The following FRMD3 variants were observed in gnomAD, a reference collection of about 807,000 sequenced individuals.
FRMD3 encodes FERM domain containing 3.
In FRMD3, 33 loss-of-function variants were observed where a neutral mutation model predicts 70.2. That is an observed-to-expected ratio of 0.47 (90% confidence interval 0.36 to 0.63). FRMD3 has a LOEUF of 0.63. FRMD3 is among the 20% of genes least tolerant of loss of function. The pLI, the probability that FRMD3 is intolerant of heterozygous loss-of-function variation, is 0.00. For missense variants in FRMD3, 632 were observed against 711.4 expected, an observed-to-expected ratio of 0.89 and a Z score of 1.27; for synonymous variants, 279 against 255.9, an observed-to-expected ratio of 1.09 and a Z score of -0.86.
intron 13 of FRMD3, among the ~76,000 whole-genome samples, chr9:83,257,004 A>G (rs1379629179): frequency 6.6e-6 from 1 of 152,220 alleles, no homozygotes. Context: ...TGTTTGACCC[A>G]GCAATCTCAT....
At chr9:83,540,981 A>C (rs1047184623), upstream of FRMD3, among the ~76,000 whole-genome samples, 1 of 152,154 alleles carries the variant, frequency 6.6e-6, no homozygotes, top group African/African-American at 2.4e-5. Flanking sequence ...TATAAAAGAA[A>C]ACTTGAATGA....
chr9:83,343,340 G>A (rs1823838885), intron 4 of FRMD3, 53 bp from the exon 5 acceptor site: 2 of 1,265,752 alleles, frequency 1.6e-6, no homozygotes, highest in Non-Finnish European at 2.3e-6. Flanking sequence ...AAGTCTGGAA[G>A]AAGTAGGATT....
At chr9:83,484,959 T>C (rs1042034903) in intron 1 of FRMD3, among the ~76,000 whole-genome samples, 8 of 152,228 alleles carry the variant, frequency 5.3e-5, no homozygotes, top group African/African-American at 1.7e-4. Context: ...TCTGTGGATA[T>C]TAAATAAAAA....
At chr9:83,427,382 G>A (rs2131370277) in intron 1 of FRMD3, among the ~76,000 whole-genome samples, 1 of 152,306 alleles carries the variant, frequency 6.6e-6, no homozygotes, top group South Asian at 2.1e-4. Context: ...CTTTATAGAG[G>A]TTGTTCAGGT....
intron 12 of FRMD3, among the ~76,000 whole-genome samples, chr9:83,293,391 C>T (rs907928866): frequency 6.6e-6 from 1 of 152,136 alleles, no homozygotes; most frequent in African/African-American, 2.4e-5. Flanking sequence ...CATTCTTGCA[C>T]GTGCAGTTCT....
At chr9:83,284,064 T>A (rs1210946440) in intron 13 of FRMD3, among the ~76,000 whole-genome samples, 2 of 11,780 alleles carry the variant, frequency 1.7e-4, no homozygotes, top group Admixed American at 2.1e-3. Flanking sequence ...GGATGTTATT[T>A]TTTTTTTTTT....
At chr9:83,569,773 C>T in the FRMD3 span, among the ~76,000 whole-genome samples, 33 of 152,266 alleles carry the variant, frequency 2.2e-4, no homozygotes, top group Admixed American at 1.3e-3. Context: ...ATTTTGATTT[C>T]GCCACTTAAT....
intron 1 of FRMD3, among the ~76,000 whole-genome samples, chr9:83,420,977 G>A (rs1293406289): frequency 5.3e-4 from 54 of 101,092 alleles, no homozygotes; most frequent in Non-Finnish European, 1.1e-4. Context: ...GTCTCGCTCT[G>A]TCGCCCAGGC....
chr9:83,442,586 G>A (rs892089397), intron 1 of FRMD3, among the ~76,000 whole-genome samples: 4 of 152,110 alleles, frequency 2.6e-5, no homozygotes, highest in African/African-American at 9.6e-5. Context: ...AGGGAGGAAA[G>A]CCAACGTATA....
At chr9:83,334,645 A>C (rs1823516429) in intron 6 of FRMD3, among the ~76,000 whole-genome samples, 1 of 152,104 alleles carries the variant, frequency 6.6e-6, no homozygotes, top group Admixed American at 6.6e-5. Flanking sequence ...TGTAGTTTGC[A>C]CAGTATCTAA....
intron 1 of FRMD3, among the ~76,000 whole-genome samples, chr9:83,435,963 C>A (rs576273064): frequency 6.6e-6 from 1 of 152,198 alleles, no homozygotes; most frequent in South Asian, 2.1e-4. Context: ...TGGCTTGAGA[C>A]AAAAGTTAAA....
intron 6 of FRMD3, among the ~76,000 whole-genome samples, chr9:83,323,092 T>C (rs984505917): frequency 6.6e-6 from 1 of 152,236 alleles, no homozygotes. Context: ...GGTGGAAATT[T>C]GGTGGAACTA....
At chr9:83,558,308 G>A in the FRMD3 span, among the ~76,000 whole-genome samples, 13 of 152,290 alleles carry the variant, frequency 8.5e-5, no homozygotes, top group South Asian at 2.1e-4. Flanking sequence ...GCATGTGTGC[G>A]CCTGTGTGTG....
chr9:83,570,016 C>T, the FRMD3 span, among the ~76,000 whole-genome samples: 1 of 152,284 alleles, frequency 6.6e-6, no homozygotes, highest in Non-Finnish European at 1.5e-5. Context: ...GAGCTCCTGG[C>T]TTTTTCAAGT....
chr9:83,495,378 G>T (rs563745719), intron 1 of FRMD3, among the ~76,000 whole-genome samples: 3 of 152,312 alleles, frequency 2.0e-5, no homozygotes, highest in Admixed American at 6.5e-5. Context: ...CCCTTGGTAA[G>T]GGGACAGAGC....
In FRMD3 at chr9:83,335,539, C is replaced by T; in HGVS notation, c.573G>A (p.Val191=). 1 of 1,612,506 alleles carries T rather than the reference C, an allele frequency of 6.2e-7. No homozygotes were observed. Among genetic ancestry groups the T allele is most frequent in the Non-Finnish European group, 8.5e-7 (1 of 1,179,050 alleles). The stretch of plus-strand genomic sequence containing the variant: ...ACCTGAGTTCATTTTTATGAATTTC[C>T]ACTATTTTTCTTTCCAGCTTCTGTG... The part of the protein sequence containing the change: ...KQSQKLERKI[V]EIHKNELRGQ... Residue 191 remains valine (V), a synonymous_variant, in exon 6 of 14, where the codon GTG becomes GTA. Coordinates refer to ENST00000304195, the MANE Select transcript of FRMD3 (RefSeq NM_174938.6).
chr9:83,517,268 A>C (rs1046936978), intron 1 of FRMD3, among the ~76,000 whole-genome samples: 3 of 152,274 alleles, frequency 2.0e-5, no homozygotes, highest in African/African-American at 4.8e-5. Flanking sequence ...AAATAGACAC[A>C]ATAAAAAGTG....
intron 1 of FRMD3, among the ~76,000 whole-genome samples, chr9:83,451,900 A>T: frequency 6.6e-6 from 1 of 152,382 alleles, no homozygotes; most frequent in African/African-American, 2.4e-5. Flanking sequence ...CATAATAGAC[A>T]TTTGTAAATT....
rs56369819 is a variant in FRMD3 at position 83,445,341 on chromosome 9, AATAGATAGATAG to A, written c.148-55645_148-55634del. Among the ~76,000 whole-genome samples, 18 of 146,660 alleles carry A rather than the reference AATAGATAGATAG, an allele frequency of 1.2e-4. 1 individual carries two copies. Among genetic ancestry groups the A allele is most frequent in the South Asian group, 6.8e-4 (3 of 4,414 alleles). On this transcript the variant is annotated intron_variant, in intron 1 of 13. Transcript: ENST00000304195. ...AGAGCTAGACCCTATCTCAAAAATAAATAGATAGATAGATAGATAGATAGATAGATAGATAGA... is the reference window on the plus strand; with the variant it reads ...AGAGCTAGACCCTATCTCAAAAATAAATAGATAGATAGATAGATAGATAGA...
Sources: allele counts gnomAD v4.1 joint callset (sites outside exome capture counted in the v4.1 genomes callset), GRCh38; gene constraint gnomAD v4.1.1; transcripts MANE v1.5; gene names NCBI Gene and HGNC (gene_info 2026-07-23, HGNC 2026-07-21).